Variants in PDLIM5 observed in about 807,000 individuals in gnomAD.
PDLIM5 encodes the protein PDZ and LIM domain protein 5.
PDLIM5 carries 34 observed loss-of-function variants against 64.2 expected under a neutral mutation model. The observed-to-expected ratio is 0.53, with a 90% confidence interval of 0.40 to 0.71. The LOEUF is 0.71. Ranked by LOEUF, PDLIM5 falls within the 30% of genes least tolerant of loss-of-function variation. The probability of loss-of-function intolerance (pLI) is 0.00; values close to 1 mark genes in which losing one functional copy is unlikely to be tolerated. For missense variants in PDLIM5, 683 were observed against 733.6 expected (o/e 0.93, Z 0.80); for synonymous variants, 253 against 269.1 (o/e 0.94, Z 0.59).
chr4:94,478,505 C>T (rs556970433), intron 2 of PDLIM5, among the ~76,000 whole-genome samples: 49 of 152,156 alleles, frequency 3.2e-4, no homozygotes, highest in African/African-American at 1.1e-3. Context: ...TTTCATGAAC[C>T]TCCTTAAAAG....
chr4:94,558,645 C>T (rs1733573746), intron 3 of PDLIM5, among the ~76,000 whole-genome samples: 1 of 151,944 alleles, frequency 6.6e-6, no homozygotes, highest in African/African-American at 2.4e-5. Flanking sequence ...TATACTGAAC[C>T]TTGAATTATA....
At chr4:94,563,937 C>CTTTTT in intron 3 of PDLIM5, among the ~76,000 whole-genome samples, 1 of 97,282 alleles carries the variant, frequency 1.0e-5, no homozygotes, top group Middle Eastern at 5.0e-3. Flanking sequence ...AGCAATTTTT[C>CTTTTT]TTTTTTTTTT....
chr4:94,586,141 G>T (rs1482812368), intron 6 of PDLIM5, among the ~76,000 whole-genome samples: 1 of 152,136 alleles, frequency 6.6e-6, no homozygotes, highest in Non-Finnish European at 1.5e-5. Flanking sequence ...CTGTACTCCA[G>T]CCTGGGTGAT....
chr4:94,626,452 C>T (rs1158974870), intron 8 of PDLIM5, among the ~76,000 whole-genome samples: 1 of 152,128 alleles, frequency 6.6e-6, no homozygotes, highest in African/African-American at 2.4e-5. Flanking sequence ...TGTTTTGACT[C>T]TGAATACTGT....
At chr4:94,483,939 A>T (rs1310824257) in intron 2 of PDLIM5, among the ~76,000 whole-genome samples, 2 of 152,174 alleles carry the variant, frequency 1.3e-5, no homozygotes, top group Non-Finnish European at 2.9e-5. Flanking sequence ...TTTAATATTA[A>T]TGTCTCCTCT....
At chr4:94,530,200 T>G (rs1730739770) in intron 3 of PDLIM5, among the ~76,000 whole-genome samples, 1 of 152,194 alleles carries the variant, frequency 6.6e-6, no homozygotes, top group Admixed American at 6.5e-5. Flanking sequence ...AATTCCCTTT[T>G]TGTAATAAAA....
At chr4:94,552,286 T>C in intron 3 of PDLIM5, among the ~76,000 whole-genome samples, 1 of 152,138 alleles carries the variant, frequency 6.6e-6, no homozygotes, top group Non-Finnish European at 1.5e-5. Flanking sequence ...TAATATATAC[T>C]CTAGTATAAT....
intron 3 of PDLIM5, among the ~76,000 whole-genome samples, chr4:94,547,174 A>T (rs1286423962): frequency 6.6e-6 from 1 of 152,178 alleles, no homozygotes; most frequent in Non-Finnish European, 1.5e-5. Flanking sequence ...CTGCTGTAAC[A>T]AATTACCAAC....
At chr4:94,587,991 C>A in intron 7 of PDLIM5, 1 of 977,614 alleles carries the variant, frequency 1.0e-6, no homozygotes, top group Non-Finnish European at 1.2e-6. Flanking sequence ...GTGTTTTGGG[C>A]AATACATGGA....
chr4:94,637,016 A>C (rs1202862284), intron 8 of PDLIM5, among the ~76,000 whole-genome samples: 1 of 152,156 alleles, frequency 6.6e-6, no homozygotes, highest in Non-Finnish European at 1.5e-5. Flanking sequence ...TATGAGTAGC[A>C]GTAGGAAAAG....
intron 3 of PDLIM5, among the ~76,000 whole-genome samples, chr4:94,553,930 T>G (rs1309615179): frequency 6.6e-6 from 1 of 152,226 alleles, no homozygotes; most frequent in Non-Finnish European, 1.5e-5. Context: ...AAAAAATCTC[T>G]TCTTTCACAT....
chr4:94,628,765 T>C (rs561557033), intron 8 of PDLIM5, among the ~76,000 whole-genome samples: 2 of 152,302 alleles, frequency 1.3e-5, no homozygotes, highest in Admixed American at 1.3e-4. Flanking sequence ...GATTTTAATG[T>C]ATGTCCTTAT....
intron 2 of PDLIM5, among the ~76,000 whole-genome samples, chr4:94,469,506 C>G (rs1289018358): frequency 6.6e-6 from 1 of 152,032 alleles, no homozygotes. Context: ...AGAAAGAAGG[C>G]TAGTGTGGCA....
chr4:94,582,946 TAGTA>T, intron 5 of PDLIM5: 1 of 497,852 alleles, frequency 2.0e-6, no homozygotes, highest in South Asian at 3.0e-5. Context: ...ATGAAAAACT[TAGTA>T]AGTTAACCTT....
intron 9 of PDLIM5, among the ~76,000 whole-genome samples, chr4:94,651,515 A>T (rs1741841439): frequency 6.6e-6 from 1 of 152,224 alleles, no homozygotes; most frequent in East Asian, 1.9e-4. Context: ...ATAATCTTAT[A>T]AATTACAAAA....
intron 3 of PDLIM5, among the ~76,000 whole-genome samples, chr4:94,562,404 G>A (rs543311490): frequency 6.6e-6 from 1 of 152,188 alleles, no homozygotes; most frequent in East Asian, 1.9e-4. Flanking sequence ...GATACAAAAT[G>A]TATTTCTGAT....
intron 3 of PDLIM5, among the ~76,000 whole-genome samples, chr4:94,559,264 G>A (rs915102307): frequency 2.6e-5 from 4 of 152,102 alleles, no homozygotes; most frequent in African/African-American, 4.8e-5. Context: ...GTTTTTGGTG[G>A]CTCTGAGATG....
chr4:94,549,015 A>G (rs1732567276), intron 3 of PDLIM5, among the ~76,000 whole-genome samples: 1 of 151,426 alleles, frequency 6.6e-6, no homozygotes, highest in African/African-American at 2.4e-5. Context: ...GGTACTCAGG[A>G]TCTACACGAG....
At chr4:94,541,185 C>G (rs980883853) in intron 3 of PDLIM5, among the ~76,000 whole-genome samples, 5 of 152,238 alleles carry the variant, frequency 3.3e-5, no homozygotes. Flanking sequence ...CTTAGTATCT[C>G]CTAACATACA....
Sources: allele counts gnomAD v4.1 joint callset (sites outside exome capture counted in the v4.1 genomes callset), GRCh38; gene constraint gnomAD v4.1.1; transcripts MANE v1.5; gene names NCBI Gene and HGNC (gene_info 2026-07-23, HGNC 2026-07-21).